The following FAM120A variants were observed in gnomAD, a reference collection of about 807,000 sequenced individuals.
FAM120A encodes the protein constitutive coactivator of PPAR-gamma-like protein 1.
Under a neutral mutation model 109.7 loss-of-function variants are expected in FAM120A, and 15 were observed. The observed-to-expected ratio is 0.14, with a 90% CI of 0.09 to 0.21. The LOEUF (loss-of-function observed/expected upper bound fraction) is 0.21. FAM120A is among the 10% of genes least tolerant of loss of function. The pLI is 1.00. For missense variants in FAM120A, 899 were observed against 1,439.3 expected (o/e 0.62, Z 6.07); for synonymous variants, 493 against 572.8 (o/e 0.86, Z 1.99).
intron 12 of FAM120A, among the ~76,000 whole-genome samples, chr9:93,552,316 G>A (rs1180421827): frequency 6.6e-6 from 1 of 152,138 alleles, no homozygotes; most frequent in African/African-American, 2.4e-5. Context: ...TGAGATCTTA[G>A]TGCTTTCATG....
Position 93,548,520 on chromosome 9 carries a change from A to G in FAM120A, c.2160-2057A>G, listed in dbSNP as rs142378120. Among the ~76,000 whole-genome samples the G allele has an allele frequency of 4.3e-3, 657 of 152,348 alleles. 1 individual carries two copies. Among genetic ancestry groups the G allele is most frequent in the Non-Finnish European group, 7.0e-3 (473 of 68,040 alleles). On this transcript the variant is annotated intron_variant, in intron 11 of 17. Coordinates refer to ENST00000277165, the MANE Select transcript of FAM120A (RefSeq NM_014612.5). The stretch of plus-strand genomic sequence containing the variant: ...TGGATGATGGTCATGGTTGCACAGC[A>G]GTGTGAATGTGCTTAATGCCACTGA...
intron 12 of FAM120A, among the ~76,000 whole-genome samples, chr9:93,553,825 GA>G (rs1243508866): frequency 6.6e-6 from 1 of 152,064 alleles, no homozygotes; most frequent in East Asian, 1.9e-4. Flanking sequence ...GTGAGATAAT[GA>G]AAAAAGCAGT....
intron 10 of FAM120A, among the ~76,000 whole-genome samples, chr9:93,538,905 A>T (rs374608101): frequency 2.5e-4 from 38 of 152,274 alleles, no homozygotes; most frequent in African/African-American, 8.9e-4. Context: ...TAAGTACGAT[A>T]GTATTTTATG....
intron 1 of FAM120A, among the ~76,000 whole-genome samples, chr9:93,460,013 A>G (rs1857719804): frequency 6.6e-6 from 1 of 152,204 alleles, no homozygotes; most frequent in South Asian, 2.1e-4. Context: ...TTTCTGAATC[A>G]AAATACACGC....
intron 11 of FAM120A, among the ~76,000 whole-genome samples, chr9:93,548,007 C>T (rs1023971619): frequency 1.3e-5 from 2 of 152,122 alleles, no homozygotes; most frequent in Non-Finnish European, 1.5e-5. Flanking sequence ...TGTTTGCTGT[C>T]CTGGCGAAGT....
intron 1 of FAM120A, among the ~76,000 whole-genome samples, chr9:93,470,686 A>T (rs1858270202): frequency 6.6e-6 from 1 of 152,160 alleles, no homozygotes; most frequent in African/African-American, 2.4e-5. Context: ...TTAAATTCTG[A>T]TGATTTCACC....
At chr9:93,461,680 C>T (rs865888482) in intron 1 of FAM120A, among the ~76,000 whole-genome samples, 3 of 152,116 alleles carry the variant, frequency 2.0e-5, no homozygotes, top group Middle Eastern at 3.4e-3. Context: ...GACATCACTC[C>T]TTTATTATTA....
At chr9:93,542,257 C>T (rs1265763597) in intron 10 of FAM120A, among the ~76,000 whole-genome samples, 7 of 152,172 alleles carry the variant, frequency 4.6e-5, no homozygotes, top group African/African-American at 9.7e-5. Flanking sequence ...CACCAGGCCC[C>T]GCTTTGGTTC....
intron 3 of FAM120A, among the ~76,000 whole-genome samples, chr9:93,491,310 A>C (rs1859308108): frequency 6.6e-6 from 1 of 152,164 alleles, no homozygotes; most frequent in African/African-American, 2.4e-5. Context: ...ACAATGGGGC[A>C]CCACCGCTCA....
intron 10 of FAM120A, among the ~76,000 whole-genome samples, chr9:93,535,063 C>G (rs1302316774): frequency 6.6e-6 from 1 of 152,160 alleles, no homozygotes; most frequent in Admixed American, 6.5e-5. Context: ...ACATTTATGT[C>G]TTTTGCTATT....
chr9:93,538,558 C>T (rs2131500888), intron 10 of FAM120A, among the ~76,000 whole-genome samples: 1 of 152,286 alleles, frequency 6.6e-6, no homozygotes, highest in African/African-American at 2.4e-5. Context: ...ATCTTGGAGG[C>T]CATTCATCTG....
chr9:93,492,961 A>G (rs1347732898), intron 3 of FAM120A, among the ~76,000 whole-genome samples: 1 of 152,192 alleles, frequency 6.6e-6, no homozygotes, highest in African/African-American at 2.4e-5. Flanking sequence ...GGTGTAAGCC[A>G]TCGTCATGGG....
chr9:93,554,641 C>G (rs1862228943), intron 12 of FAM120A, among the ~76,000 whole-genome samples: 1 of 152,062 alleles, frequency 6.6e-6, no homozygotes, highest in African/African-American at 2.4e-5. Flanking sequence ...CCATTGCACT[C>G]CAGCGTGGAT....
Position 93,497,550 on chromosome 9 carries a change from A to T in FAM120A, c.884A>T (p.Asp295Val). The T allele has an allele frequency of 6.2e-7, 1 of 1,613,180 alleles. No homozygotes were observed. Among genetic ancestry groups the T allele is most frequent in the East Asian group, 2.2e-5 (1 of 44,878 alleles). Residue 295 changes from aspartate to valine, a missense_variant, in exon 4 of 18, where the codon GAC (aspartate) becomes GTC (valine). By Grantham distance (152) the Asp-to-Val change is radical. Around this residue, in one of 11 missense-constraint regions of FAM120A, gnomAD observed 258 missense variants for 451.4 expected, o/e 0.57. Transcript: ENST00000277165. The part of the protein sequence containing the change: ...AVADYVRNIQ[D>V]TSDLDAIAKD... Reference sequence around the variant, plus strand: ...GCTGACTATGTACGCAACATTCAGGACACCTCTGACTTGGATGCCATAGCT... The same window carrying T: ...GCTGACTATGTACGCAACATTCAGGTCACCTCTGACTTGGATGCCATAGCT...
intron 4 of FAM120A, 91 bp downstream of exon 4, chr9:93,497,690 A>G (rs1190897771): frequency 8.3e-6 from 12 of 1,445,200 alleles, no homozygotes; most frequent in Non-Finnish European, 4.6e-6. Flanking sequence ...AGGGGACTTG[A>G]GGGTGCAAGC....
Position 93,471,222 on chromosome 9 carries a change from G to A in FAM120A, c.556G>A (p.Asp186Asn), listed in dbSNP as rs751179009. Reference protein sequence around the residue: ...ENGFHGLVAYDSDYALCNIPY... With the variant: ...ENGFHGLVAYNSDYALCNIPY... ...TGGTTTCCATGGCTTGGTTGCGTATGACTCTGATTATGCACTGTGCAACAT... is the reference window on the plus strand; with the variant it reads ...TGGTTTCCATGGCTTGGTTGCGTATAACTCTGATTATGCACTGTGCAACAT... The change falls in exon 2 of 18, where the codon GAC becomes AAC. Residue 186 changes from aspartate to asparagine, a missense_variant. Transcript: ENST00000277165. The A allele has an allele frequency of 3.1e-6, 5 of 1,614,158 alleles. No homozygotes were observed. Among genetic ancestry groups the A allele is most frequent in the Non-Finnish European group, 4.2e-6 (5 of 1,180,032 alleles).
rs756572965 is a variant in FAM120A at position 93,556,612 on chromosome 9, G to C, written c.2484+21G>C. On this transcript the variant is annotated intron_variant, in intron 13 of 17. Transcript: ENST00000277165. ...GTCAGGTATGCTGCGGGGCCGGGTG[G>C]CTGCCTTTAACTGCAATGAAATAAA... 3.7e-6 allele frequency: 6 copies of C among 1,609,728 alleles called. No individual in the cohort carries two copies. The East Asian group carries it at 1.3e-4, about 36-fold the overall frequency.
At position 93,565,858 on chromosome 9, in the gene FAM120A, C is replaced by T. The variant is rs565592055; in HGVS notation, c.*1318C>T. 27 of 152,676 alleles carry T rather than the reference C, an allele frequency of 1.8e-4. No homozygotes were observed. Among genetic ancestry groups the T allele is most frequent in the Middle Eastern group, 3.4e-3 (1 of 294 alleles). The allele number at this position is 152,676 out of a possible 1,614,324, so 9.5% of individuals were successfully genotyped here. A position where few individuals can be genotyped will look rare whatever the true frequency, so the allele number is the denominator to read the frequency against. ...CTTTGAAATCAGAATCACTTCTTAT[C>T]GTTTTCATATACTTCTGATGCTCTT... On this transcript the variant is annotated 3_prime_UTR_variant, in exon 18 of 18. Transcript: ENST00000277165.
intron 3 of FAM120A, among the ~76,000 whole-genome samples, chr9:93,488,767 G>C (rs1403274359): frequency 6.6e-6 from 1 of 152,000 alleles, no homozygotes; most frequent in Non-Finnish European, 1.5e-5. Context: ...TCCTGCATCT[G>C]CTTTGATATT....
Sources: allele counts gnomAD v4.1 joint callset (sites outside exome capture counted in the v4.1 genomes callset), GRCh38; gene constraint gnomAD v4.1.1; regional missense constraint gnomAD v4.1.1; transcripts MANE v1.5; gene names NCBI Gene and HGNC (gene_info 2026-07-23, HGNC 2026-07-21).